The following NAALADL2 variants were observed in gnomAD, a reference collection of about 807,000 sequenced individuals.
NAALADL2 encodes the protein N-acetylated alpha-linked acidic dipeptidase like 2.
In NAALADL2, 76 loss-of-function variants were observed where a neutral mutation model predicts 87.2. That is an observed-to-expected ratio of 0.87 (90% CI 0.72 to 1.05). The LOEUF is 1.05. Ranked by LOEUF, NAALADL2 falls within the 50% of genes least tolerant of loss-of-function variation. NAALADL2 has a pLI of 0.00. For synonymous variants in NAALADL2, 354 were observed against 331.0 expected (o/e 1.07, Z -0.75); for missense variants, 1,089 against 945.8 (o/e 1.15, Z -1.99).
At chr3:175,275,665 G>T (rs1291161095) in intron 4 of NAALADL2, among the ~76,000 whole-genome samples, 1 of 151,824 alleles carries the variant, frequency 6.6e-6, no homozygotes, top group African/African-American at 2.4e-5. Context: ...TGTACCTCTT[G>T]CCCATATGGT....
At chr3:175,344,641 C>T (rs562264241) in intron 5 of NAALADL2, among the ~76,000 whole-genome samples, 3 of 151,922 alleles carry the variant, frequency 2.0e-5, no homozygotes, top group Admixed American at 6.6e-5. Flanking sequence ...GTAAGATTAT[C>T]GTGAAAATAA....
At position 174,805,873 on chromosome 3, in the gene NAALADL2, A is replaced by G. The variant is rs115464043; in HGVS notation, c.-9+68127A>G. On this transcript the variant is annotated intron_variant, in intron 3 of 3. Coordinates refer to the NAALADL2 transcript ENST00000434257. ...TATGTGTAAGTACATTTTAGCATAA[A>G]TTATCTACAAGGCTTCCCTATTTCT... Among the ~76,000 whole-genome samples, 662 of 149,304 alleles carry G rather than the reference A, an allele frequency of 4.4e-3. 6 individuals carry two copies. The highest frequency in any genetic ancestry group is 0.015 in the African/African-American group (634 of 41,166).
chr3:174,808,802 ATGTGTG>A (rs1214649651), intron 3 of NAALADL2, among the ~76,000 whole-genome samples: 2 of 151,718 alleles, frequency 1.3e-5, no homozygotes, highest in Non-Finnish European at 2.9e-5. Context: ...ATTAAAAAAA[ATGTGTG>A]TGTGTGTTTG....
At chr3:175,692,010 T>C (rs1206364122) in intron 11 of NAALADL2, among the ~76,000 whole-genome samples, 3 of 152,118 alleles carry the variant, frequency 2.0e-5, no homozygotes, top group Non-Finnish European at 1.5e-5. Context: ...TCACTCTTCC[T>C]GGCTCTCTTC....
intron 2 of NAALADL2, among the ~76,000 whole-genome samples, chr3:175,225,983 G>C (rs1307794863): frequency 2.0e-5 from 3 of 152,042 alleles, no homozygotes; most frequent in Non-Finnish European, 4.4e-5. Context: ...TTATATTTCT[G>C]TGTGCTCTGG....
chr3:175,403,075 A>ATG (rs1219591846), intron 5 of NAALADL2, among the ~76,000 whole-genome samples: 2 of 151,684 alleles, frequency 1.3e-5, no homozygotes, highest in African/African-American at 2.4e-5. Flanking sequence ...TTGTTTGGGG[A>ATG]TGTGTGTGTG....
chr3:175,094,757 AGTGTGT>A (rs369083345), intron 1 of NAALADL2, among the ~76,000 whole-genome samples: 346 of 126,054 alleles, frequency 2.7e-3, no homozygotes, highest in African/African-American at 8.4e-3. Context: ...CAGACACTAT[AGTGTGT>A]GTGTGTGTGT....
At chr3:174,455,036 GAC>G (rs1322830185) in intron 1 of NAALADL2, among the ~76,000 whole-genome samples, 1 of 150,868 alleles carries the variant, frequency 6.6e-6, no homozygotes, top group Non-Finnish European at 1.5e-5. Context: ...ATTTAGAAAT[GAC>G]AGAGGGGATA....
chr3:174,559,710 G>A (rs1168866194), intron 2 of NAALADL2, among the ~76,000 whole-genome samples: 1 of 152,154 alleles, frequency 6.6e-6, no homozygotes, highest in Non-Finnish European at 1.5e-5. Context: ...TTTTATGCTT[G>A]TTGTATGATG....
At chr3:175,490,706 T>C (rs1440499849) in intron 9 of NAALADL2, among the ~76,000 whole-genome samples, 1 of 151,948 alleles carries the variant, frequency 6.6e-6, no homozygotes, top group East Asian at 1.9e-4. Context: ...TAAGTAACTA[T>C]TTGTATGGAA....
At chr3:175,173,494 C>T in intron 2 of NAALADL2, among the ~76,000 whole-genome samples, 1 of 151,898 alleles carries the variant, frequency 6.6e-6, no homozygotes, top group Non-Finnish European at 1.5e-5. Flanking sequence ...AGTGTGAGAC[C>T]CCATCTCAAA....
At chr3:175,334,748 G>A (rs928454538) in intron 5 of NAALADL2, among the ~76,000 whole-genome samples, 1 of 152,128 alleles carries the variant, frequency 6.6e-6, no homozygotes, top group Non-Finnish European at 1.5e-5. Context: ...GGTTTGCAAG[G>A]GTTTTATTAA....
chr3:174,948,851 G>A (rs547025052), intron 1 of NAALADL2, among the ~76,000 whole-genome samples: 1 of 152,116 alleles, frequency 6.6e-6, no homozygotes, highest in Non-Finnish European at 1.5e-5. Flanking sequence ...CTTTCAGGCT[G>A]CTATAAGAAA....
At chr3:174,751,110 A>C (rs1308958707) in intron 3 of NAALADL2, among the ~76,000 whole-genome samples, 1 of 152,114 alleles carries the variant, frequency 6.6e-6, no homozygotes, top group Non-Finnish European at 1.5e-5. Context: ...GTCAAATAAT[A>C]GTGATGATAG....
intron 11 of NAALADL2, 31 bp from the exon 12 acceptor site, chr3:175,737,275 C>A: frequency 1.6e-6 from 2 of 1,237,976 alleles, no homozygotes; most frequent in Non-Finnish European, 2.4e-6. Flanking sequence ...TTACTGAATG[C>A]TAGTATTTTC....
chr3:175,623,688 A>G (rs1219320314), intron 10 of NAALADL2, among the ~76,000 whole-genome samples: 1 of 152,036 alleles, frequency 6.6e-6, no homozygotes, highest in Non-Finnish European at 1.5e-5. Context: ...ACAACTAAAT[A>G]ATATTTACAG....
intron 3 of NAALADL2, among the ~76,000 whole-genome samples, chr3:174,790,263 T>A (rs1281513646): frequency 6.6e-6 from 1 of 152,190 alleles, no homozygotes; most frequent in Non-Finnish European, 1.5e-5. Context: ...AAAAAATTGA[T>A]AATTCCAGAG....
At chr3:174,908,700 G>T (rs1009395068) in intron 1 of NAALADL2, among the ~76,000 whole-genome samples, 1 of 151,934 alleles carries the variant, frequency 6.6e-6, no homozygotes, top group Non-Finnish European at 1.5e-5. Flanking sequence ...ACTAAAACAG[G>T]CAAGATTTGA....
At chr3:175,330,737 T>C (rs2110492744) in intron 5 of NAALADL2, among the ~76,000 whole-genome samples, 1 of 152,116 alleles carries the variant, frequency 6.6e-6, no homozygotes, top group South Asian at 2.1e-4. Flanking sequence ...TAATGATCCA[T>C]CTCAATGAAC....
Sources: gnomAD v4.1 joint callset for allele counts (sites outside exome capture counted in the v4.1 genomes callset) on GRCh38, gnomAD v4.1.1 for gene constraint, MANE v1.5 for transcripts, NCBI Gene and HGNC (gene_info 2026-07-23, HGNC 2026-07-21) for gene names.